The following AFG2A variants were observed in gnomAD, a reference collection of about 807,000 sequenced individuals.
The protein encoded by AFG2A is ATPase family gene 2 protein homolog A.
the AFG2A span, among the ~76,000 whole-genome samples, chr4:123,300,116 T>A: frequency 1.3e-5 from 2 of 152,174 alleles, no homozygotes; most frequent in African/African-American, 2.4e-5. Context: ...ACAAACCTTA[T>A]TCTCTTATTA....
At chr4:123,148,056 A>G in the AFG2A span, among the ~76,000 whole-genome samples, 1 of 152,224 alleles carries the variant, frequency 6.6e-6, no homozygotes, top group African/African-American at 2.4e-5. Context: ...TTTCTCAAAG[A>G]TATCTTTTAA....
the AFG2A span, among the ~76,000 whole-genome samples, chr4:123,267,090 G>C: frequency 6.6e-6 from 1 of 152,046 alleles, no homozygotes; most frequent in Non-Finnish European, 1.5e-5. Context: ...CCATAATTCT[G>C]AGAAGAGTTC....
the AFG2A span, among the ~76,000 whole-genome samples, chr4:122,927,276 G>A: frequency 6.6e-6 from 1 of 152,170 alleles, no homozygotes; most frequent in Admixed American, 6.5e-5. Flanking sequence ...CCAGTTCCCA[G>A]TTCAATCCTT....
chr4:123,060,340 A>G, the AFG2A span, among the ~76,000 whole-genome samples: 1 of 151,848 alleles, frequency 6.6e-6, no homozygotes, highest in South Asian at 2.1e-4. Context: ...TTTCCCTTCC[A>G]CTCTGTCCTA....
At chr4:123,151,727 C>T in the AFG2A span, among the ~76,000 whole-genome samples, 1 of 152,112 alleles carries the variant, frequency 6.6e-6, no homozygotes, top group African/African-American at 2.4e-5. Flanking sequence ...GTGGCGATTC[C>T]TCAAGGATCT....
the AFG2A span, among the ~76,000 whole-genome samples, chr4:123,080,692 C>T: frequency 6.6e-6 from 1 of 152,024 alleles, no homozygotes. Flanking sequence ...ATATCTAAAT[C>T]TCCAGTTGTC....
chr4:123,158,372 G>T, the AFG2A span, among the ~76,000 whole-genome samples: 3 of 151,944 alleles, frequency 2.0e-5, no homozygotes, highest in Non-Finnish European at 2.9e-5. Flanking sequence ...TCAGAGCAAA[G>T]GTTTTTTTTG....
chr4:122,944,807 G>C, the AFG2A span, among the ~76,000 whole-genome samples: 2 of 152,060 alleles, frequency 1.3e-5, no homozygotes, highest in African/African-American at 4.8e-5. Flanking sequence ...TGTACAGGTG[G>C]GTTTTTGGTG....
the AFG2A span, among the ~76,000 whole-genome samples, chr4:123,029,487 G>A: frequency 2.0e-4 from 31 of 152,090 alleles, no homozygotes; most frequent in African/African-American, 6.8e-4. Flanking sequence ...ATGATACTTA[G>A]GTGTGATTAA....
chr4:123,311,356 G>A, the AFG2A span, among the ~76,000 whole-genome samples: 1 of 151,986 alleles, frequency 6.6e-6, no homozygotes, highest in Non-Finnish European at 1.5e-5. Flanking sequence ...GGCTGGGCTC[G>A]GGGGCTCACA....
At chr4:123,244,021 CAAAT>C in the AFG2A span, among the ~76,000 whole-genome samples, 2 of 151,514 alleles carry the variant, frequency 1.3e-5, no homozygotes, top group Non-Finnish European at 2.9e-5. Context: ...GACCCCATCT[CAAAT>C]AAATAAATAA....
the AFG2A span, among the ~76,000 whole-genome samples, chr4:123,054,995 C>G: frequency 6.6e-6 from 1 of 152,034 alleles, no homozygotes; most frequent in African/African-American, 2.4e-5. Context: ...TCATTAATAC[C>G]TCTGTTATCA....
At chr4:123,106,406 C>G in the AFG2A span, among the ~76,000 whole-genome samples, 1 of 151,992 alleles carries the variant, frequency 6.6e-6, no homozygotes, top group South Asian at 2.1e-4. Context: ...TGGAACTGAA[C>G]CTGCAGTATC....
chr4:123,205,895 G>T, the AFG2A span, among the ~76,000 whole-genome samples: 1 of 152,020 alleles, frequency 6.6e-6, no homozygotes, highest in Non-Finnish European at 1.5e-5. Context: ...TAGTATTCAG[G>T]CATCCCCTGC....
the AFG2A span, among the ~76,000 whole-genome samples, chr4:123,128,478 C>T: frequency 6.6e-6 from 1 of 152,082 alleles, no homozygotes; most frequent in Non-Finnish European, 1.5e-5. Context: ...CTCCAACAAC[C>T]ATCCGAAACA....
At chr4:123,032,448 A>G in the AFG2A span, among the ~76,000 whole-genome samples, 2 of 152,198 alleles carry the variant, frequency 1.3e-5, no homozygotes, top group South Asian at 4.1e-4. Context: ...GCTGGAATGC[A>G]GTGGCGCGAT....
At chr4:123,285,198 C>T in the AFG2A span, among the ~76,000 whole-genome samples, 1 of 152,076 alleles carries the variant, frequency 6.6e-6, no homozygotes, top group African/African-American at 2.4e-5. Flanking sequence ...CCTCAGCTTT[C>T]CTGACCTTTT....
At chr4:123,226,187 A>G in the AFG2A span, among the ~76,000 whole-genome samples, 1 of 152,110 alleles carries the variant, frequency 6.6e-6, no homozygotes, top group Non-Finnish European at 1.5e-5. Context: ...TCTTTTCCTA[A>G]TTGAATACCC....
At chr4:123,112,152 A>G in the AFG2A span, among the ~76,000 whole-genome samples, 1 of 152,198 alleles carries the variant, frequency 6.6e-6, no homozygotes, top group South Asian at 2.1e-4. Flanking sequence ...GGACTCCAAA[A>G]TCTTTTAGAG....
Sources: allele counts gnomAD v4.1 joint callset (sites outside exome capture counted in the v4.1 genomes callset), GRCh38; gene constraint gnomAD v4.1.1; transcripts MANE v1.5; gene names NCBI Gene and HGNC (gene_info 2026-07-23, HGNC 2026-07-21).